Variants in TRHDE observed in about 807,000 individuals in gnomAD.
TRHDE encodes the protein thyrotropin releasing hormone degrading enzyme.
Under a neutral mutation model 125.7 loss-of-function variants are expected in TRHDE, and 72 were observed. That is an observed-to-expected ratio of 0.57 (90% CI 0.47 to 0.70). The LOEUF (loss-of-function observed/expected upper bound fraction) is 0.70. Ranked by LOEUF, TRHDE falls within the 30% of genes least tolerant of loss-of-function variation. The probability of loss-of-function intolerance (pLI) is 0.00; values close to 1 mark genes in which losing one functional copy is unlikely to be tolerated. For missense variants in TRHDE, 1,110 were observed against 1,327.1 expected (o/e 0.84, Z 2.54); for synonymous variants, 509 against 509.1 (o/e 1.00, Z 0.00).
At chr12:72,622,220 T>C (rs1873082354) in intron 15 of TRHDE, among the ~76,000 whole-genome samples, 1 of 152,116 alleles carries the variant, frequency 6.6e-6, no homozygotes, top group Admixed American at 6.6e-5. Context: ...TCAGTGACCC[T>C]TGACAATGAC....
chr12:72,490,998 A>G (rs1027280270), intron 5 of TRHDE, among the ~76,000 whole-genome samples: 3 of 151,458 alleles, frequency 2.0e-5, no homozygotes, highest in Admixed American at 6.6e-5. Context: ...AAACCAAAAA[A>G]AAAAAAAAAA....
intron 3 of TRHDE, among the ~76,000 whole-genome samples, chr12:72,441,987 G>C: frequency 6.6e-6 from 1 of 151,780 alleles, no homozygotes; most frequent in East Asian, 1.9e-4. Context: ...CTGAGTGGGG[G>C]TGTTAACTGA....
Position 72,473,337 on chromosome 12 carries a change from G to A in TRHDE, c.1584+157G>A, listed in dbSNP as rs187107196. Among the ~76,000 whole-genome samples, 488 of 152,248 alleles carry A rather than the reference G, an allele frequency of 3.2e-3. 2 individuals are homozygous for A. Among genetic ancestry groups the A allele is most frequent in the Middle Eastern group, 0.017 (5 of 294 alleles). Reference sequence around the variant, plus strand: ...AAATTGAAATGTTAGTATTCTTAAAGAGTCATCTTTTACTTATTAGGAACT... The same window carrying A: ...AAATTGAAATGTTAGTATTCTTAAAAAGTCATCTTTTACTTATTAGGAACT... On this transcript the variant is annotated intron_variant, in intron 5 of 18. Transcript: ENST00000261180.
intron 10 of TRHDE, among the ~76,000 whole-genome samples, chr12:72,570,167 G>A (rs1870649866): frequency 6.6e-6 from 1 of 152,188 alleles, no homozygotes; most frequent in African/African-American, 2.4e-5. Flanking sequence ...CTTTTAGATA[G>A]TGCAAGGATT....
chr12:72,476,165 C>T lies in TRHDE; in HGVS notation c.1584+2985C>T, dbSNP rs565398422. On this transcript the variant is annotated intron_variant, in intron 5 of 18. Coordinates refer to ENST00000261180, the MANE Select transcript of TRHDE (RefSeq NM_013381.3). ...CTCCTGACCTTAGGTCATCCACCTG[C>T]GACAGCCTGCCAAAGTGCTGGGATT... Among the ~76,000 whole-genome samples, 9 of 152,244 alleles carry T rather than the reference C, an allele frequency of 5.9e-5. No homozygotes were observed. In the South Asian group the frequency reaches 6.2e-4, roughly 11 times the overall value.
chr12:72,522,904 TC>T (rs1293886609), intron 6 of TRHDE, among the ~76,000 whole-genome samples: 1 of 152,138 alleles, frequency 6.6e-6, no homozygotes, highest in Non-Finnish European at 1.5e-5. Context: ...CAGCTCACAG[TC>T]TGACGGACCA....
chr12:72,309,903 C>G (rs573553227), intron 2 of TRHDE: 1 of 152,078 alleles, frequency 6.6e-6, no homozygotes, highest in Admixed American at 6.6e-5. Flanking sequence ...AGAGGTGAGG[C>G]GAAGAACATT....
At chr12:72,554,041 T>A (rs1869805593) in intron 7 of TRHDE, among the ~76,000 whole-genome samples, 1 of 151,696 alleles carries the variant, frequency 6.6e-6, no homozygotes, top group South Asian at 2.1e-4. Flanking sequence ...AGAGATGGGG[T>A]TTCACCACGT....
At chr12:72,213,177 C>A (rs1167561856) in intron 2 of TRHDE, among the ~76,000 whole-genome samples, 1 of 151,928 alleles carries the variant, frequency 6.6e-6, no homozygotes. Context: ...TAGTGGTTAC[C>A]TTGAGATGAG....
At chr12:72,169,621 G>A (rs1332400506) in intron 2 of TRHDE, among the ~76,000 whole-genome samples, 5 of 151,998 alleles carry the variant, frequency 3.3e-5, no homozygotes, top group African/African-American at 1.2e-4. Flanking sequence ...TTGGAAGGCC[G>A]AGGTGGGAGG....
intron 2 of TRHDE, among the ~76,000 whole-genome samples, chr12:72,362,333 A>G (rs1184214325): frequency 6.7e-6 from 1 of 149,408 alleles, no homozygotes; most frequent in African/African-American, 2.5e-5. Flanking sequence ...GCATTTTTTC[A>G]TGTGTTTTTT....
chr12:72,449,709 C>A (rs1052681544), intron 3 of TRHDE, among the ~76,000 whole-genome samples: 1 of 151,690 alleles, frequency 6.6e-6, no homozygotes, highest in African/African-American at 2.4e-5. Context: ...GCTAGGCAGC[C>A]CAGGATTTAA....
intron 3 of TRHDE, among the ~76,000 whole-genome samples, chr12:72,380,633 G>A (rs1330301429): frequency 2.6e-5 from 4 of 152,174 alleles, no homozygotes; most frequent in Non-Finnish European, 5.9e-5. Context: ...AAAGGGGTGA[G>A]AAGTAGATGA....
Position 72,663,121 on chromosome 12 carries a change from G to C in TRHDE, c.3136G>C (p.Glu1046Gln). The change falls in exon 19 of 19, where the codon GAA becomes CAA. Residue 1046 changes from glutamate (E) to glutamine (Q), a missense_variant. Physicochemically the swap from Glu to Gln is conservative, Grantham distance 29 (BLOSUM62 2). Around this residue, in one of 5 missense-constraint regions of TRHDE, gnomAD observed 527 missense variants for 651.8 expected, o/e 0.81. Transcript: ENST00000261180. ...TTTCTCACGAGCTGTGGAAACTGTCGAAGCCAATGTGCGCTGGAAAATGCT... is the reference window on the plus strand; with the variant it reads ...TTTCTCACGAGCTGTGGAAACTGTCCAAGCCAATGTGCGCTGGAAAATGCT... ...ASFSRAVETV[E>Q]ANVRWKMLYQ... 6.2e-7 allele frequency: 1 copy of C among 1,613,148 alleles called. No individual in the cohort carries two copies. Among genetic ancestry groups the C allele is most frequent in the Non-Finnish European group, 8.5e-7 (1 of 1,179,508 alleles).
In TRHDE at chr12:72,388,724, C is replaced by T. The variant is rs117798225; in HGVS notation, c.1315+10603C>T. Among the ~76,000 whole-genome samples the T allele has an allele frequency of 3.6e-4, 55 of 152,114 alleles. No individual in the cohort carries two copies. In the East Asian group the frequency reaches 7.9e-3, roughly 22 times the overall value. On this transcript the variant is annotated intron_variant, in intron 3 of 18. Transcript: ENST00000261180. ...TTGCAGCTATTTTCTCATTAAGGAT[C>T]CCCGTAAAGGAAATTGTTGGTGAAA...
chr12:72,111,972 G>C (rs987801470), intron 2 of TRHDE, among the ~76,000 whole-genome samples: 3 of 151,952 alleles, frequency 2.0e-5, no homozygotes, highest in African/African-American at 7.3e-5. Flanking sequence ...ACAGTGTTTG[G>C]TTGGGGGAAA....
At chr12:72,600,399 T>C (rs1592564650) in intron 12 of TRHDE, among the ~76,000 whole-genome samples, 1 of 152,102 alleles carries the variant, frequency 6.6e-6, no homozygotes, top group African/African-American at 2.4e-5. Flanking sequence ...ATGGAATGTT[T>C]TTCCATTTGT....
rs1279515971 is a variant in TRHDE at position 72,499,488 on chromosome 12, T to A, written c.1585-10T>A. The A allele has an allele frequency of 6.2e-7, 1 of 1,613,288 alleles. No homozygotes were observed. Among genetic ancestry groups the A allele is most frequent in the Non-Finnish European group, 8.5e-7 (1 of 1,179,592 alleles). On this transcript the variant is annotated splice_polypyrimidine_tract_variant and intron_variant, in intron 5 of 18. Transcript: ENST00000261180. ...TCACCTATGATATTGCCCCGTCTGC[T>A]GTATTGCAGGAAAAGCAGAGGTTTC...
chr12:72,454,754 G>A (rs73344455), intron 3 of TRHDE, among the ~76,000 whole-genome samples: 2,121 of 152,164 alleles, frequency 0.014, 50 homozygotes, highest in African/African-American at 0.048. Flanking sequence ...TTAGTCTAGA[G>A]CAGGTTCTGA....
Sources: gnomAD v4.1 joint callset for allele counts (sites outside exome capture counted in the v4.1 genomes callset) on GRCh38, gnomAD v4.1.1 for gene constraint, gnomAD v4.1.1 regional missense constraint, MANE v1.5 for transcripts, NCBI Gene and HGNC (gene_info 2026-07-23, HGNC 2026-07-21) for gene names.